SASH1: variants seen among roughly 807,000 people sequenced by gnomAD.
SASH1 encodes the protein SAM and SH3 domain containing 1, also known as SAM and SH3 domain-containing protein 1.
Under a neutral mutation model 125.2 loss-of-function variants are expected in SASH1, and 44 were observed. The ratio of observed to expected loss-of-function variants is 0.35; its 90% confidence interval spans 0.28 to 0.45. The LOEUF is 0.45. Among genes scored for constraint, SASH1 ranks in the 20% least tolerant of loss-of-function variants. The pLI is 1.00. For synonymous variants in SASH1, 639 were observed against 649.1 expected, an observed-to-expected ratio of 0.98 and a Z score of 0.24; for missense variants, 1,426 against 1,614.5, an observed-to-expected ratio of 0.88 and a Z score of 2.00.
chr6:148,365,120 CA>C (rs1192046542), intron 1 of SASH1, among the ~76,000 whole-genome samples: 1 of 120,228 alleles, frequency 8.3e-6, no homozygotes, highest in African/African-American at 3.2e-5. Flanking sequence ...GAGACTCTGT[CA>C]CAAAAAAAAA....
chr6:148,545,988 A>G (rs781733953), intron 18 of SASH1, 27 bp from the exon 19 acceptor site: 4 of 1,607,422 alleles, frequency 2.5e-6, no homozygotes, highest in East Asian at 4.5e-5. Context: ...ATGACTCTTG[A>G]TGTCATATTC....
intron 9 of SASH1, among the ~76,000 whole-genome samples, chr6:148,517,410 G>A (rs1398634639): frequency 1.3e-5 from 2 of 152,136 alleles, no homozygotes; most frequent in Non-Finnish European, 2.9e-5. Flanking sequence ...AGATGATGGA[G>A]GCCTTCACGT....
At chr6:148,208,472 A>G in the SASH1 span, among the ~76,000 whole-genome samples, 2 of 152,318 alleles carry the variant, frequency 1.3e-5, no homozygotes, top group Admixed American at 6.5e-5. Flanking sequence ...CCTTAACAGC[A>G]TAGCAGAACT....
the SASH1 span, among the ~76,000 whole-genome samples, chr6:148,197,535 A>G: frequency 1.3e-5 from 2 of 152,022 alleles, no homozygotes; most frequent in African/African-American, 2.4e-5. Context: ...TCAGGCCAAA[A>G]TTTCTCTTGC....
At chr6:148,406,436 A>T (rs184048913) in intron 2 of SASH1, among the ~76,000 whole-genome samples, 3 of 152,374 alleles carry the variant, frequency 2.0e-5, no homozygotes, top group African/African-American at 7.2e-5. Flanking sequence ...GTTTGCATAC[A>T]GATTCCTACT....
At chr6:148,506,346 G>A (rs1311264506) in intron 8 of SASH1, among the ~76,000 whole-genome samples, 1 of 151,768 alleles carries the variant, frequency 6.6e-6, no homozygotes, top group African/African-American at 2.4e-5. Flanking sequence ...ATACTGGCGG[G>A]TGCCTGTAAT....
intron 8 of SASH1, among the ~76,000 whole-genome samples, chr6:148,496,045 A>C (rs571601072): frequency 1.3e-5 from 2 of 150,096 alleles, no homozygotes; most frequent in African/African-American, 4.9e-5. Context: ...ACAGGGTTTC[A>C]CCATGTTGGC....
chr6:148,222,875 C>CATCACAGGG, the SASH1 span, among the ~76,000 whole-genome samples: 1 of 151,932 alleles, frequency 6.6e-6, no homozygotes, highest in Admixed American at 6.6e-5. Context: ...CTTATCATTA[C>CATCACAGGG]ATCACAGGGC....
the SASH1 span, among the ~76,000 whole-genome samples, chr6:148,194,708 C>A: frequency 2.6e-5 from 4 of 152,212 alleles, no homozygotes; most frequent in Non-Finnish European, 5.9e-5. Context: ...GAGATCGAGA[C>A]CATCCTGGTT....
chr6:148,483,344 C>T (rs1275880782), intron 7 of SASH1, among the ~76,000 whole-genome samples: 1 of 152,072 alleles, frequency 6.6e-6, no homozygotes, highest in Non-Finnish European at 1.5e-5. Context: ...GGGTATTAAA[C>T]TATTCTTAAG....
At chr6:148,541,199 T>A (rs1036825675) in intron 17 of SASH1, among the ~76,000 whole-genome samples, 1 of 151,662 alleles carries the variant, frequency 6.6e-6, no homozygotes, top group Non-Finnish European at 1.5e-5. Context: ...GCTGCCACAG[T>A]GACCTAAATC....
At chr6:148,493,535 A>G (rs910578465) in intron 8 of SASH1, among the ~76,000 whole-genome samples, 1 of 152,232 alleles carries the variant, frequency 6.6e-6, no homozygotes, top group African/African-American at 2.4e-5. Context: ...TGCCCAGGCC[A>G]TGAAAGTTTT....
chr6:148,409,867 G>C (rs1583107009), intron 2 of SASH1, among the ~76,000 whole-genome samples: 5 of 151,980 alleles, frequency 3.3e-5, no homozygotes, highest in Admixed American at 3.3e-4. Flanking sequence ...TGGGGAGGCA[G>C]AGGCGAGGCT....
chr6:148,249,191 AG>A, the SASH1 span, among the ~76,000 whole-genome samples: 1 of 152,374 alleles, frequency 6.6e-6, no homozygotes, highest in Admixed American at 6.5e-5. Flanking sequence ...TGTCTAACAA[AG>A]AATATACAGG....
chr6:148,440,109 C>T (rs1248523341), intron 2 of SASH1, 75 bp from the exon 3 acceptor site: 3 of 1,411,338 alleles, frequency 2.1e-6, no homozygotes, highest in Admixed American at 1.7e-5. Flanking sequence ...CCCCTCTCTT[C>T]TTACATGTCT....
chr6:148,365,660 A>T (rs899859144), intron 1 of SASH1, among the ~76,000 whole-genome samples: 30 of 152,054 alleles, frequency 2.0e-4, no homozygotes, highest in Non-Finnish European at 3.8e-4. Flanking sequence ...TAACTGAAGG[A>T]GAGATGGAGC....
In SASH1 at chr6:148,474,239, C is replaced by A; in HGVS notation, c.627+17C>A. The A allele has an allele frequency of 6.7e-7, 1 of 1,483,778 alleles. No individual in the cohort carries two copies. Among genetic ancestry groups the A allele is most frequent in the East Asian group, 2.4e-5 (1 of 42,538 alleles). The allele number at this position is 1,483,778 out of a possible 1,614,324, so 91.9% of individuals were successfully genotyped here. A position where few individuals can be genotyped will look rare whatever the true frequency, so the allele number is the denominator to read the frequency against. On this transcript the variant is annotated intron_variant, in intron 7 of 19. Transcript: ENST00000367467. ...CTTGCTAGGGTAAGCATGCAGATAC[C>A]TGGTTTATATTTGTGAGGACTTGAC...
In SASH1 at chr6:148,549,591, A is replaced by G. The variant is rs1315486309; in HGVS notation, c.*1033A>G. The G allele has an allele frequency of 1.3e-5, 5 of 398,886 alleles. No individual in the cohort carries two copies. The highest frequency in any genetic ancestry group is 2.2e-5 in the Non-Finnish European group (5 of 226,050). The allele number at this position is 398,886 out of a possible 1,614,324, so 24.7% of individuals were successfully genotyped here. On this transcript the variant is annotated 3_prime_UTR_variant, in exon 20 of 20. Transcript: ENST00000367467. ...TTGCAAAAGGTCACTGTGAGGCTGC[A>G]TATTTCAGAAAGATGTCCTTAATAA...
At chr6:148,221,563 T>C in the SASH1 span, among the ~76,000 whole-genome samples, 1 of 152,360 alleles carries the variant, frequency 6.6e-6, no homozygotes, top group East Asian at 1.9e-4. Flanking sequence ...CGTTTCATTT[T>C]GAAAATGACC....
Sources: gnomAD v4.1 joint callset for allele counts (sites outside exome capture counted in the v4.1 genomes callset) on GRCh38, gnomAD v4.1.1 for gene constraint, MANE v1.5 for transcripts, NCBI Gene and HGNC (gene_info 2026-07-23, HGNC 2026-07-21) for gene names.